The following FHOD3 variants were observed in gnomAD, a reference collection of about 807,000 sequenced individuals.
The protein encoded by FHOD3 is formin homology 2 domain containing 3.
A neutral mutation model predicts 173.0 loss-of-function variants in FHOD3; 90 were observed. That is an observed-to-expected ratio of 0.52 (90% CI 0.44 to 0.62). The LOEUF is 0.62. Among genes scored for constraint, FHOD3 ranks in the 20% least tolerant of loss-of-function variants. The pLI is 0.00. For missense variants in FHOD3, 1,945 were observed against 2,034.7 expected (o/e 0.96, Z 0.85); for synonymous variants, 828 against 823.0 (o/e 1.01, Z -0.10).
chr18:36,600,300 T>TAC (rs1484984936), intron 7 of FHOD3, among the ~76,000 whole-genome samples: 3 of 135,162 alleles, frequency 2.2e-5, no homozygotes, highest in Non-Finnish European at 4.8e-5. Flanking sequence ...TATGCACACA[T>TAC]ACACACACAC....
chr18:36,490,410 G>T lies in FHOD3; in HGVS notation c.338-11522G>T, dbSNP rs1049610524. Among the ~76,000 whole-genome samples, 17 of 152,282 alleles carry T rather than the reference G, an allele frequency of 1.1e-4. No homozygotes were observed. The South Asian group carries it at 2.7e-3, about 24-fold the overall frequency. ...TCAGAATAGAGGTATAAATGGCTTTGCTTGGGCTTTCCTCCTCAGTAAAGA... is the reference window on the plus strand; with the variant it reads ...TCAGAATAGAGGTATAAATGGCTTTTCTTGGGCTTTCCTCCTCAGTAAAGA... On this transcript the variant is annotated intron_variant, in intron 3 of 28. Coordinates refer to ENST00000590592, the MANE Select transcript of FHOD3 (RefSeq NM_001281740.3).
intron 27 of FHOD3, among the ~76,000 whole-genome samples, chr18:36,763,848 C>T (rs1386043164): frequency 6.6e-6 from 1 of 152,034 alleles, no homozygotes; most frequent in Non-Finnish European, 1.5e-5. Context: ...CCCAGACACC[C>T]TAAGTATTTG....
chr18:36,380,762 G>T (rs1304671479), intron 3 of FHOD3, among the ~76,000 whole-genome samples: 1 of 151,738 alleles, frequency 6.6e-6, no homozygotes, highest in Admixed American at 6.6e-5. Flanking sequence ...ATTAGTTTGA[G>T]ATAAACTCTA....
chr18:36,482,822 AACACACACAC>A (rs1202251220), intron 3 of FHOD3, among the ~76,000 whole-genome samples: 1 of 92,580 alleles, frequency 1.1e-5, no homozygotes, highest in Non-Finnish European at 2.0e-5. Flanking sequence ...CCGGTGAACA[AACACACACAC>A]ACACACACAC....
At chr18:36,318,564 G>A (rs1027713351) in intron 1 of FHOD3, among the ~76,000 whole-genome samples, 3 of 152,164 alleles carry the variant, frequency 2.0e-5, no homozygotes, top group South Asian at 2.1e-4. Context: ...TGTGAATTTT[G>A]CACATTGATT....
intron 5 of FHOD3, among the ~76,000 whole-genome samples, chr18:36,570,512 CA>C (rs1210982176): frequency 6.6e-6 from 1 of 151,966 alleles, no homozygotes; most frequent in Admixed American, 6.6e-5. Context: ...TTCCAGAAAA[CA>C]GAAGAGGAGG....
intron 16 of FHOD3, among the ~76,000 whole-genome samples, chr18:36,691,051 G>A (rs185729102): frequency 1.3e-5 from 2 of 152,296 alleles, no homozygotes; most frequent in East Asian, 1.9e-4. Context: ...CACAGGAATA[G>A]CATTTGAGTC....
At chr18:36,535,729 G>T (rs1304420578) in intron 5 of FHOD3, among the ~76,000 whole-genome samples, 5 of 152,032 alleles carry the variant, frequency 3.3e-5, no homozygotes, top group Non-Finnish European at 5.9e-5. Context: ...TGTGATTGTT[G>T]TAACAGTATT....
chr18:36,655,643 A>C (rs534904842), intron 13 of FHOD3, among the ~76,000 whole-genome samples: 1 of 152,234 alleles, frequency 6.6e-6, no homozygotes, highest in South Asian at 2.1e-4. Flanking sequence ...TGTGGTTTTC[A>C]TGGGTCTGTG....
intron 17 of FHOD3, among the ~76,000 whole-genome samples, chr18:36,694,045 T>TGCAGCCTTGA (rs1375028012): frequency 6.6e-6 from 1 of 152,228 alleles, no homozygotes; most frequent in African/African-American, 2.4e-5. Context: ...TATTGTACAC[T>TGCAGCCTTGA]GCAGCCTTGA....
At chr18:36,730,830 T>C (rs770111903) in intron 20 of FHOD3, 26 bp downstream of exon 20, 4 of 1,609,738 alleles carry the variant, frequency 2.5e-6, no homozygotes, top group East Asian at 2.2e-5. Context: ...TTAAGCATTA[T>C]TTGTATTTTA....
At chr18:36,547,593 AAGGACAAGGAAC>A (rs2057463662) in intron 5 of FHOD3, among the ~76,000 whole-genome samples, 1 of 152,162 alleles carries the variant, frequency 6.6e-6, no homozygotes, top group Admixed American at 6.5e-5. Context: ...TTTTAAAACC[AAGGACAAGGAAC>A]ATAAGCATTT....
chr18:36,492,803 A>T (rs145934318), intron 3 of FHOD3, among the ~76,000 whole-genome samples: 1 of 152,306 alleles, frequency 6.6e-6, no homozygotes, highest in East Asian at 1.9e-4. Flanking sequence ...AAAAGGGATG[A>T]GTCAGACTTC....
chr18:36,715,790 A>G (rs148505338), intron 18 of FHOD3, among the ~76,000 whole-genome samples: 91 of 152,368 alleles, frequency 6.0e-4, no homozygotes, highest in South Asian at 2.3e-3. Context: ...AGGATTGCAC[A>G]GTTTTCACTA....
chr18:36,675,020 C>A (rs1185259088), intron 14 of FHOD3, among the ~76,000 whole-genome samples: 1 of 152,122 alleles, frequency 6.6e-6, no homozygotes, highest in Non-Finnish European at 1.5e-5. Flanking sequence ...TTTCCTTTCC[C>A]TGGAATCTTA....
At chr18:36,600,578 G>C (rs2031230353) in intron 7 of FHOD3, among the ~76,000 whole-genome samples, 1 of 152,212 alleles carries the variant, frequency 6.6e-6, no homozygotes, top group Non-Finnish European at 1.5e-5. Flanking sequence ...TCCTTAGATG[G>C]TAATAAGAGA....
chr18:36,649,578 C>G lies in FHOD3; in HGVS notation c.1286+173C>G, dbSNP rs57502715. ...CACTGGTTTTGTAGAAATACCTGAG[C>G]ATGTTTTCATTAGAGAACTGCACTT... On this transcript the variant is annotated intron_variant, in intron 11 of 28. Transcript: ENST00000590592. 5.7e-3 allele frequency among the ~76,000 whole-genome samples: 875 copies of G among 152,280 alleles called. 9 individuals are homozygous for G. Among genetic ancestry groups the G allele is most frequent in the African/African-American group, 0.02 (844 of 41,554 alleles).
At chr18:36,752,242 G>T (rs1600560488) in intron 24 of FHOD3, among the ~76,000 whole-genome samples, 2 of 152,238 alleles carry the variant, frequency 1.3e-5, no homozygotes, top group East Asian at 3.9e-4. Flanking sequence ...GATGAGATTT[G>T]GGTGGAGACA....
At chr18:36,504,261 C>T (rs1217091419) in intron 4 of FHOD3, among the ~76,000 whole-genome samples, 1 of 152,136 alleles carries the variant, frequency 6.6e-6, no homozygotes, top group Non-Finnish European at 1.5e-5. Context: ...TGCTACCCCA[C>T]ACCCACTCTA....
Sources: allele counts gnomAD v4.1 joint callset (sites outside exome capture counted in the v4.1 genomes callset), GRCh38; gene constraint gnomAD v4.1.1; transcripts MANE v1.5; gene names NCBI Gene and HGNC (gene_info 2026-07-23, HGNC 2026-07-21).